The following SGCZ variants were observed in gnomAD, a reference collection of about 807,000 sequenced individuals.
SGCZ encodes the protein zeta-sarcoglycan.
Under a neutral mutation model 41.3 loss-of-function variants are expected in SGCZ, and 40 were observed. The ratio of observed to expected loss-of-function variants is 0.97; its 90% confidence interval spans 0.75 to 1.26. The LOEUF (loss-of-function observed/expected upper bound fraction) is 1.26, where lower values mean the gene tolerates loss of function less well. Among genes scored for constraint, SGCZ ranks in the 50% most tolerant of loss-of-function variants. SGCZ has a pLI of 0.00. For synonymous variants in SGCZ, 206 were observed against 137.5 expected, an observed-to-expected ratio of 1.50 and a Z score of -3.49; for missense variants, 552 against 369.8, an observed-to-expected ratio of 1.49 and a Z score of -4.04.
chr8:14,431,913 C>G (rs113600432), intron 2 of SGCZ, among the ~76,000 whole-genome samples: 90 of 152,086 alleles, frequency 5.9e-4, no homozygotes, highest in African/African-American at 2.1e-3. Flanking sequence ...CAATGGCCAA[C>G]AAACATATGA....
At chr8:14,944,737 A>G (rs1325312820) in intron 1 of SGCZ, among the ~76,000 whole-genome samples, 3 of 152,182 alleles carry the variant, frequency 2.0e-5, no homozygotes, top group Non-Finnish European at 4.4e-5. Flanking sequence ...GGATTTTGCA[A>G]TCTGAAAGTG....
At chr8:14,309,356 T>C (rs1801451619) in intron 3 of SGCZ, 2 of 1,604,164 alleles carry the variant, frequency 1.2e-6, no homozygotes, top group South Asian at 2.2e-5. Flanking sequence ...GGGAGGACGA[T>C]GGCTAATTAC....
At chr8:14,475,286 C>T (rs1412854371) in intron 2 of SGCZ, among the ~76,000 whole-genome samples, 1 of 151,886 alleles carries the variant, frequency 6.6e-6, no homozygotes, top group Non-Finnish European at 1.5e-5. Flanking sequence ...GGTATGTTTT[C>T]CAATTCATAA....
At chr8:14,116,357 A>G (rs1802522281) in intron 5 of SGCZ, among the ~76,000 whole-genome samples, 1 of 152,126 alleles carries the variant, frequency 6.6e-6, no homozygotes, top group African/African-American at 2.4e-5. Context: ...TCTTACCTCA[A>G]GATATCTAAG....
chr8:14,669,693 TACACACACACACACAC>T (rs35602830), intron 1 of SGCZ, among the ~76,000 whole-genome samples: 3 of 147,556 alleles, frequency 2.0e-5, no homozygotes, highest in Admixed American at 1.4e-4. Flanking sequence ...ATTTTGTGTA[TACACACACACACACAC>T]ACACACACAC....
At chr8:14,823,983 G>C (rs1461775902) in intron 1 of SGCZ, among the ~76,000 whole-genome samples, 3 of 151,232 alleles carry the variant, frequency 2.0e-5, no homozygotes, top group African/African-American at 7.3e-5. Context: ...GATACAGAAA[G>C]ACAAATAAAT....
At chr8:14,252,287 G>C (rs1414558206) in intron 3 of SGCZ, among the ~76,000 whole-genome samples, 2 of 151,672 alleles carry the variant, frequency 1.3e-5, no homozygotes, top group Non-Finnish European at 2.9e-5. Flanking sequence ...ATTAATTTAT[G>C]AATATATTTT....
intron 1 of SGCZ, among the ~76,000 whole-genome samples, chr8:14,616,466 T>TA (rs890055011): frequency 4.2e-4 from 64 of 152,164 alleles, no homozygotes; most frequent in Admixed American, 6.5e-4. Context: ...GTTTACACAG[T>TA]AAAAAAATGT....
intron 1 of SGCZ, among the ~76,000 whole-genome samples, chr8:15,146,194 A>T (rs1390703684): frequency 6.6e-6 from 1 of 152,200 alleles, no homozygotes; most frequent in African/African-American, 2.4e-5. Context: ...GTCATACAAA[A>T]AAAAGAAATA....
At chr8:14,443,510 A>G (rs574605579) in intron 2 of SGCZ, among the ~76,000 whole-genome samples, 1 of 152,144 alleles carries the variant, frequency 6.6e-6, no homozygotes, top group African/African-American at 2.4e-5. Context: ...AACACCGCAT[A>G]TCTACAACTA....
At chr8:15,053,014 A>G (rs1804571583) in intron 1 of SGCZ, among the ~76,000 whole-genome samples, 2 of 152,190 alleles carry the variant, frequency 1.3e-5, no homozygotes, top group South Asian at 4.1e-4. Flanking sequence ...CCTAAGGAGA[A>G]CAACTTCAAA....
chr8:14,473,615 C>G (rs1381344905), intron 2 of SGCZ, among the ~76,000 whole-genome samples: 1 of 151,956 alleles, frequency 6.6e-6, no homozygotes, highest in African/African-American at 2.4e-5. Context: ...ATGAATAGAA[C>G]TGAAATCTTA....
chr8:14,401,790 T>A (rs1247475227), intron 2 of SGCZ, among the ~76,000 whole-genome samples: 1 of 151,066 alleles, frequency 6.6e-6, no homozygotes, highest in Non-Finnish European at 1.5e-5. Context: ...TATAGTCCTT[T>A]GGGTATATAC....
intron 1 of SGCZ, among the ~76,000 whole-genome samples, chr8:14,637,599 T>C (rs1045785555): frequency 6.6e-6 from 1 of 151,854 alleles, no homozygotes; most frequent in Non-Finnish European, 1.5e-5. Flanking sequence ...TGCATTAATT[T>C]GCTTAGGATA....
At chr8:14,844,475 T>C (rs184681605) in intron 1 of SGCZ, among the ~76,000 whole-genome samples, 1 of 152,290 alleles carries the variant, frequency 6.6e-6, no homozygotes, top group African/African-American at 2.4e-5. Flanking sequence ...GGAAATAGCT[T>C]CAAATGCTAT....
At chr8:15,030,545 G>C (rs1803622679) in intron 1 of SGCZ, among the ~76,000 whole-genome samples, 2 of 152,096 alleles carry the variant, frequency 1.3e-5, no homozygotes, top group Admixed American at 6.5e-5. Context: ...GAAACCATGA[G>C]AAGAGCTGTA....
intron 1 of SGCZ, among the ~76,000 whole-genome samples, chr8:15,046,067 A>G (rs1804290728): frequency 6.6e-6 from 1 of 152,126 alleles, no homozygotes; most frequent in South Asian, 2.1e-4. Context: ...ACATTTACAT[A>G]CATTGAAGAA....
At chr8:14,217,847 T>C (rs914046544) in intron 4 of SGCZ, among the ~76,000 whole-genome samples, 2 of 151,946 alleles carry the variant, frequency 1.3e-5, no homozygotes, top group Non-Finnish European at 2.9e-5. Flanking sequence ...GCCAGGCTCG[T>C]CTTGAACTCC....
intron 1 of SGCZ, among the ~76,000 whole-genome samples, chr8:14,649,435 G>C (rs1026467703): frequency 6.6e-6 from 1 of 152,020 alleles, no homozygotes; most frequent in Admixed American, 6.6e-5. Flanking sequence ...TTGAAATACA[G>C]ACTTAATGCG....
Sources: allele counts gnomAD v4.1 joint callset (sites outside exome capture counted in the v4.1 genomes callset), GRCh38; gene constraint gnomAD v4.1.1; transcripts MANE v1.5; gene names NCBI Gene and HGNC (gene_info 2026-07-23, HGNC 2026-07-21).